Variants in PIGG observed in about 807,000 individuals in gnomAD.
PIGG encodes phosphatidylinositol glycan anchor biosynthesis class G (EMM blood group).
PIGG carries 70 observed loss-of-function variants against 83.2 expected under a neutral mutation model. The observed-to-expected ratio is 0.84, with a 90% CI of 0.69 to 1.03. The LOEUF is 1.03. Among genes scored for constraint, PIGG ranks in the 50% least tolerant of loss-of-function variants. The probability of loss-of-function intolerance (pLI) is 0.00; values close to 1 mark genes in which losing one functional copy is unlikely to be tolerated. For missense variants in PIGG, 1,257 were observed against 1,233.6 expected, an observed-to-expected ratio of 1.02 and a Z score of -0.28; for synonymous variants, 532 against 519.5, an observed-to-expected ratio of 1.02 and a Z score of -0.33.
Position 539,433 on chromosome 4 carries a change from T to C in PIGG, c.*64T>C. ...TCTGCTGTTATTCTAAAATGAAAGA[T>C]ATGAATTCAACAAAGTTGATGGATA... On this transcript the variant is annotated 3_prime_UTR_variant, in exon 13 of 13. Coordinates refer to ENST00000453061, the MANE Select transcript of PIGG (RefSeq NM_001127178.3). The C allele has an allele frequency of 9.9e-7, 1 of 1,013,638 alleles. No individual in the cohort carries two copies. Among genetic ancestry groups the C allele is most frequent in the South Asian group, 1.5e-5 (1 of 67,830 alleles). The allele number at this position is 1,013,638 out of a possible 1,614,324, so 62.8% of individuals were successfully genotyped here.
At chr4:502,046 T>C (rs6828138) in intron 2 of PIGG, 151,665 of 152,372 alleles carry the variant, frequency 1, 75,486 homozygotes, top group Middle Eastern at 1. Flanking sequence ...AGCCCCTGAT[T>C]TTCAGGAACA....
chr4:536,584 G>A (rs891451302), intron 12 of PIGG: 1 of 152,252 alleles, frequency 6.6e-6, no homozygotes, highest in African/African-American at 2.4e-5. Flanking sequence ...CCCCTGCTCG[G>A]CGTCCGCCTG....
intron 5 of PIGG, among the ~76,000 whole-genome samples, 193 bp downstream of exon 5, chr4:509,163 A>G (rs782669621): frequency 2.0e-5 from 3 of 152,216 alleles, no homozygotes; most frequent in Admixed American, 6.5e-5. Flanking sequence ...CTTAAAATAC[A>G]GTTATTCTTT....
At chr4:510,020 A>G (rs1238330997) in intron 5 of PIGG, among the ~76,000 whole-genome samples, 5 of 152,132 alleles carry the variant, frequency 3.3e-5, no homozygotes, top group African/African-American at 4.8e-5. Context: ...CTGACCTCTT[A>G]TATCTTTTTA....
chr4:520,112 G>A (rs1390139002), intron 6 of PIGG, among the ~76,000 whole-genome samples: 4 of 152,248 alleles, frequency 2.6e-5, no homozygotes, highest in African/African-American at 9.6e-5. Flanking sequence ...GCCTGTGGCA[G>A]CTCTTTCACT....
At chr4:534,758 A>G (rs1204765440) in intron 12 of PIGG, among the ~76,000 whole-genome samples, 1 of 148,480 alleles carries the variant, frequency 6.7e-6, no homozygotes, top group Non-Finnish European at 1.5e-5. Context: ...CCACATCCCC[A>G]TCTCCTGGCA....
rs1553874230 is a variant in PIGG, at chr4:499,476, C to T, written c.141C>T (p.Pro47=). Residue 47 remains proline, a synonymous_variant, in exon 1 of 13, where the codon CCC becomes CCT. Transcript: ENST00000453061. Reference sequence around the variant, plus strand: ...AACACGGAGCGGAGCCCCCAGCGCCCGAACCCTCGGCTGGTACGGACCCCT... The same window carrying T: ...AACACGGAGCGGAGCCCCCAGCGCCTGAACCCTCGGCTGGTACGGACCCCT... ...RAEHGAEPPA[P]EPSAGASSNW... is the part of the protein sequence containing the mutation. 2 of 1,598,712 alleles carry T rather than the reference C, an allele frequency of 1.3e-6. No homozygotes were observed. Among genetic ancestry groups the T allele is most frequent in the Non-Finnish European group, 1.7e-6 (2 of 1,178,638 alleles).
Position 515,926 on chromosome 4 carries a change from T to C in PIGG, c.902-47T>C, listed in dbSNP as rs1284695528. On this transcript the variant is annotated intron_variant, in intron 5 of 12. Coordinates refer to ENST00000453061, the MANE Select transcript of PIGG (RefSeq NM_001127178.3). This position sits in a 1 kb window ranked among gnomAD's most constrained non-coding sequence, Gnocchi z 4.2. Reference sequence around the variant, plus strand: ...GTCTAATTCAAGAATGAGTACCATCTTACACTTTCTAGAAGTCTGTTACTT... The same window carrying C: ...GTCTAATTCAAGAATGAGTACCATCCTACACTTTCTAGAAGTCTGTTACTT... 5 of 1,461,862 alleles carry C rather than the reference T, an allele frequency of 3.4e-6. No individual in the cohort carries two copies. Among genetic ancestry groups the C allele is most frequent in the Non-Finnish European group, 4.8e-6 (5 of 1,041,674 alleles). The allele number at this position is 1,461,862 out of a possible 1,614,324, so 90.6% of individuals were successfully genotyped here.
rs752977070 is a variant in PIGG, at chr4:516,007, G to A, written c.936G>A (p.Thr312=). 2.5e-5 allele frequency: 40 copies of A among 1,614,062 alleles called. No homozygotes were observed. Among genetic ancestry groups the A allele is most frequent in the Non-Finnish European group, 3.1e-5 (36 of 1,180,010 alleles). The change falls in exon 6 of 13, where the codon ACG becomes ACA. Residue 312 remains threonine, a synonymous_variant. Coordinates refer to ENST00000453061, the MANE Select transcript of PIGG (RefSeq NM_001127178.3). ...GACATCCAAAGCACGTCCAACAGACGGATGTGGCTGCGACACTGGCGATAG... is the reference window on the plus strand; with the variant it reads ...GACATCCAAAGCACGTCCAACAGACAGATGTGGCTGCGACACTGGCGATAG... The part of the protein sequence containing the change: ...DIRHPKHVQQ[T]DVAATLAIAL...
intron 5 of PIGG, among the ~76,000 whole-genome samples, chr4:512,764 G>A (rs896051434): frequency 6.6e-5 from 10 of 152,020 alleles, no homozygotes; most frequent in East Asian, 2.0e-4. Context: ...GCAGTGAGCC[G>A]AGATCGCACC....
At position 499,493 on chromosome 4, in the gene PIGG, C is replaced by T. The variant is rs1716738380; in HGVS notation, c.154+4C>T. 6.3e-7 allele frequency: 1 copy of T among 1,590,124 alleles called. No homozygotes were observed. Among genetic ancestry groups the T allele is most frequent in the South Asian group, 1.1e-5 (1 of 89,812 alleles). On this transcript the variant is annotated splice_donor_region_variant and intron_variant, in intron 1 of 12. Transcript: ENST00000453061. ...CCAGCGCCCGAACCCTCGGCTGGTACGGACCCCTCCCCGGCGTCTCCGCTC... is the reference window on the plus strand; with the variant it reads ...CCAGCGCCCGAACCCTCGGCTGGTATGGACCCCTCCCCGGCGTCTCCGCTC...
chr4:527,029 C>G lies in PIGG; in HGVS notation c.2070-10C>G. 1 of 1,614,124 alleles carries G rather than the reference C, an allele frequency of 6.2e-7. No homozygotes were observed. Among genetic ancestry groups the G allele is most frequent in the Non-Finnish European group, 8.5e-7 (1 of 1,179,998 alleles). ...TTTACGTAATGCTGGCATTTTCCATCTCATTTCAGCTCTGACCACAAAGCC... is the reference window on the plus strand; with the variant it reads ...TTTACGTAATGCTGGCATTTTCCATGTCATTTCAGCTCTGACCACAAAGCC... On this transcript the variant is annotated splice_polypyrimidine_tract_variant and intron_variant, in intron 9 of 12. Coordinates refer to ENST00000453061, the MANE Select transcript of PIGG (RefSeq NM_001127178.3).
intron 9 of PIGG, chr4:525,945 T>C (rs1308280104): frequency 2.0e-5 from 3 of 152,194 alleles, no homozygotes. Context: ...GGGAGCTCCG[T>C]GTCCCGGAAT....
Position 507,406 on chromosome 4 carries a change from T to C in PIGG, c.572T>C (p.Val191Ala), listed in dbSNP as rs77388919. 1 of 1,606,750 alleles carries C rather than the reference T, an allele frequency of 6.2e-7. No homozygotes were observed. Among genetic ancestry groups the C allele is most frequent in the South Asian group, 1.1e-5 (1 of 90,524 alleles). Residue 191 changes from valine to alanine, a missense_variant and splice_region_variant, in exon 4 of 13, where the codon GTG becomes GCG. Transcript: ENST00000453061. ...TATACGTGTGTTTCCCCTTCAAAGG[T>C]GGATAATAATGTCACGAGGCATTTG... ...TSFFVSDYTEVDNNVTRHLDK... is the reference protein window; with the variant it reads ...TSFFVSDYTEADNNVTRHLDK...
chr4:506,279 C>T (rs1333629174), intron 3 of PIGG, among the ~76,000 whole-genome samples: 1 of 152,214 alleles, frequency 6.6e-6, no homozygotes, highest in Admixed American at 6.5e-5. Flanking sequence ...CTGGTAGCTT[C>T]TGCACATGGC....
intron 10 of PIGG, 151 bp from the exon 11 acceptor site, chr4:530,285 T>TG (rs931799681): frequency 1.6e-5 from 10 of 625,228 alleles, no homozygotes; most frequent in African/African-American, 1.5e-4. Context: ...TGACAGGACC[T>TG]GGGGGGTAGG....
At position 539,292 on chromosome 4, in the gene PIGG, G is replaced by T; in HGVS notation, c.2875G>T (p.Gly959Ter). Residue 959 changes from glycine to a stop codon, truncating the protein, a stop_gained, in exon 13 of 13, where the codon GGA becomes TGA. Transcript: ENST00000453061. LOFTEE classifies it low-confidence loss of function (END_TRUNC). Reference protein sequence around the residue: ...SVFSPKLLYEGMHLLITAAVC... With the variant: ...SVFSPKLLYE ...ATTTTCTCCAAAACTTCTCTACGAG[G>T]GAATGCACCTGCTCATTACAGCTGC... The T allele has an allele frequency of 2.5e-6, 4 of 1,613,692 alleles. No homozygotes were observed. The highest frequency in any genetic ancestry group is 3.4e-6 in the Non-Finnish European group (4 of 1,179,622).
chr4:517,857 C>T (rs985216563), intron 6 of PIGG, among the ~76,000 whole-genome samples: 1 of 152,146 alleles, frequency 6.6e-6, no homozygotes, highest in African/African-American at 2.4e-5. Context: ...GACGCAGCCG[C>T]GTTCATCAAG....
At chr4:538,473 A>T (rs188448846) in intron 12 of PIGG, among the ~76,000 whole-genome samples, 1 of 152,216 alleles carries the variant, frequency 6.6e-6, no homozygotes, top group Admixed American at 6.5e-5. Flanking sequence ...TTTGTATCTC[A>T]CCCTTTTGTG....
Sources: allele counts gnomAD v4.1 joint callset (sites outside exome capture counted in the v4.1 genomes callset), GRCh38; gene constraint gnomAD v4.1.1; non-coding constraint Gnocchi (gnomAD v3.1); transcripts MANE v1.5; gene names NCBI Gene and HGNC (gene_info 2026-07-23, HGNC 2026-07-21).